The following ADNP2 variants were observed in gnomAD, a reference collection of about 807,000 sequenced individuals.
ADNP2 encodes ADNP homeobox 2, also known as activity-dependent neuroprotector homeobox protein 2.
Under a neutral mutation model 16.4 loss-of-function variants are expected in ADNP2, and 8 were observed. The observed-to-expected ratio is 0.49, with a 90% CI of 0.29 to 0.88. ADNP2 has a LOEUF of 0.88. ADNP2 is among the 40% of genes least tolerant of loss of function. ADNP2 has a pLI of 0.09. For missense variants in ADNP2, 1,397 were observed against 1,395.1 expected (o/e 1.00, Z -0.02); for synonymous variants, 637 against 545.8 (o/e 1.17, Z -2.33).
intron 1 of ADNP2, among the ~76,000 whole-genome samples, chr18:80,113,324 T>C (rs1050310218): frequency 6.6e-6 from 1 of 152,210 alleles, no homozygotes; most frequent in Non-Finnish European, 1.5e-5. Flanking sequence ...AAGAAATTTA[T>C]CCGCTTCAAA....
At position 80,136,380 on chromosome 18, in the gene ADNP2, C is replaced by T. The variant is rs973865505; in HGVS notation, c.967C>T (p.Pro323Ser). Residue 323 changes from proline (P) to serine (S), a missense_variant, in exon 4 of 4, where the codon CCC (proline) becomes TCC (serine). Pro to Ser is a moderately conservative substitution (Grantham distance 74). This residue lies in a region of ADNP2 where 777 missense variants were observed against 719.4 expected (regional missense o/e 1.08). Transcript: ENST00000262198. The stretch of plus-strand genomic sequence containing the variant: ...TGCCCCTGGAAGCCTCACTCATTCC[C>T]CCCCTGCTGCTGGCCAATCCCACAT... ...QGAPGSLTHS[P>S]PAAGQSHMTL... 1.3e-5 allele frequency: 21 copies of T among 1,614,104 alleles called. No individual in the cohort carries two copies. The highest frequency in any genetic ancestry group is 1.7e-5 in the Non-Finnish European group (20 of 1,180,046).
intron 2 of ADNP2, among the ~76,000 whole-genome samples, chr18:80,121,065 C>T (rs552687881): frequency 3.3e-5 from 5 of 152,340 alleles, no homozygotes; most frequent in Admixed American, 3.3e-4. Context: ...AAACTTTTCA[C>T]AGTGAAAGTG....
chr18:80,128,276 G>A (rs2052473438), intron 2 of ADNP2, among the ~76,000 whole-genome samples: 1 of 152,194 alleles, frequency 6.6e-6, no homozygotes, highest in African/African-American at 2.4e-5. Context: ...CTCTTTGTTG[G>A]AATCAGAATA....
At chr18:80,116,067 C>T (rs2052387355) in intron 1 of ADNP2, among the ~76,000 whole-genome samples, 2 of 152,168 alleles carry the variant, frequency 1.3e-5, no homozygotes, top group African/African-American at 4.8e-5. Context: ...ACTCGGCCCA[C>T]TGTTGTGCTT....
intron 2 of ADNP2, among the ~76,000 whole-genome samples, chr18:80,132,755 A>G (rs188458164): frequency 3.7e-4 from 48 of 128,776 alleles, no homozygotes; most frequent in Middle Eastern, 4.6e-3. Context: ...TTCTTTTTCG[A>G]TGGTGTCCTG....
intron 2 of ADNP2, among the ~76,000 whole-genome samples, chr18:80,120,334 CTT>C (rs71163859): frequency 1.3e-4 from 19 of 142,990 alleles, no homozygotes; most frequent in Non-Finnish European, 1.2e-4. Context: ...ATATTCTTTT[CTT>C]TTTTTTTTTT....
intron 1 of ADNP2, among the ~76,000 whole-genome samples, chr18:80,116,658 A>G (rs1191557210): frequency 6.6e-6 from 1 of 151,892 alleles, no homozygotes; most frequent in Non-Finnish European, 1.5e-5. Flanking sequence ...TTGTTTTAAG[A>G]TAGGGTCTCA....
At chr18:80,132,523 C>G (rs531572908) in intron 2 of ADNP2, among the ~76,000 whole-genome samples, 2 of 152,152 alleles carry the variant, frequency 1.3e-5, no homozygotes, top group Non-Finnish European at 2.9e-5. Flanking sequence ...TTTCATTTCT[C>G]TTTTCCCCTG....
rs780706667 is a variant in ADNP2, at chr18:80,137,794, T to C, written c.2381T>C (p.Leu794Pro). 8.7e-6 allele frequency: 14 copies of C among 1,614,090 alleles called. No homozygotes were observed. Among genetic ancestry groups the C allele is most frequent in the Non-Finnish European group, 1.1e-5 (13 of 1,180,038 alleles). The change falls in exon 4 of 4, where the codon CTG becomes CCG. Residue 794 changes from leucine to proline, a missense_variant. Coordinates refer to ENST00000262198, the MANE Select transcript of ADNP2 (RefSeq NM_014913.4). This position sits in a 1 kb window ranked among gnomAD's most constrained non-coding sequence, Gnocchi z 4.2. ...GLSEHSRNRH[L>P]GKKKLPMDYS... ...TCAGAGCACAGCAGGAATAGGCACC[T>C]GGGGAAGAAGAAGTTGCCTATGGAT...
At chr18:80,124,422 ATACT>A (rs908404201) in intron 2 of ADNP2, among the ~76,000 whole-genome samples, 2 of 152,174 alleles carry the variant, frequency 1.3e-5, no homozygotes, top group Non-Finnish European at 2.9e-5. Context: ...ACTCAAGGAA[ATACT>A]TACTTATATT....
At chr18:80,119,413 C>CAA (rs5826687) in intron 2 of ADNP2, among the ~76,000 whole-genome samples, 14 of 113,684 alleles carry the variant, frequency 1.2e-4, no homozygotes, top group South Asian at 3.0e-4. Context: ...GACTCCGTCT[C>CAA]AAAAAAAAAA....
At chr18:80,115,290 G>A (rs1401663632) in intron 1 of ADNP2, among the ~76,000 whole-genome samples, 2 of 152,040 alleles carry the variant, frequency 1.3e-5, no homozygotes, top group Non-Finnish European at 2.9e-5. Flanking sequence ...TTTATATTCC[G>A]GCACAGGATG....
chr18:80,130,026 A>G (rs1431028909), intron 2 of ADNP2, among the ~76,000 whole-genome samples: 1 of 152,180 alleles, frequency 6.6e-6, no homozygotes, highest in Non-Finnish European at 1.5e-5. Context: ...GTGAGTAGTT[A>G]GTTAACCTTT....
intron 1 of ADNP2, chr18:80,110,066 T>TC (rs1252744384): frequency 6.6e-6 from 1 of 152,144 alleles, no homozygotes; most frequent in Non-Finnish European, 1.5e-5. Flanking sequence ...GGTTTTTTTT[T>TC]CCCTAGAAAG....
chr18:80,136,266 G>A lies in ADNP2; in HGVS notation c.853G>A (p.Ala285Thr), dbSNP rs761522464. ...ACCAGCAAATGGCAGTGCTCCAAGC[G>A]CTCCAGCGCAGCCTCCTTGCTTCCA... ...AAPANGSAPS[A>T]PAQPPCFHLA... The change falls in exon 4 of 4, where the codon GCT (alanine) becomes ACT (threonine). Residue 285 changes from alanine (A) to threonine (T), a missense_variant. By Grantham distance (58) the Ala-to-Thr change is moderately conservative (BLOSUM62 0). This residue lies in a region of ADNP2 where 777 missense variants were observed against 719.4 expected (regional missense o/e 1.08). Coordinates refer to ENST00000262198, the MANE Select transcript of ADNP2 (RefSeq NM_014913.4). 62 of 1,613,748 alleles carry A rather than the reference G, an allele frequency of 3.8e-5. No homozygotes were observed. Among genetic ancestry groups the A allele is most frequent in the Non-Finnish European group, 4.7e-5 (56 of 1,179,742 alleles).
rs759170592 is a variant in ADNP2, at chr18:80,136,773, A to G, written c.1360A>G (p.Met454Val). Reference protein sequence around the residue: ...VPSGVLPAGQMTPAGQMTPAG... With the variant: ...VPSGVLPAGQVTPAGQMTPAG... ...GTCTGGAGTCCTTCCTGCAGGCCAG[A>G]TGACTCCTGCAGGCCAGATGACTCC... is the stretch of plus-strand genomic sequence containing the variant. The change falls in exon 4 of 4, where the codon ATG becomes GTG. Residue 454 changes from methionine to valine, a missense_variant. Coordinates refer to ENST00000262198, the MANE Select transcript of ADNP2 (RefSeq NM_014913.4). The G allele has an allele frequency of 6.3e-7, 1 of 1,597,624 alleles. No individual in the cohort carries two copies.
In ADNP2 at chr18:80,138,391, G is replaced by A. The variant is rs1377955375; in HGVS notation, c.2978G>A (p.Gly993Glu). 6 of 1,614,086 alleles carry A rather than the reference G, an allele frequency of 3.7e-6. No homozygotes were observed. The East Asian group carries it at 1.3e-4, about 36-fold the overall frequency. The change falls in exon 4 of 4, where the codon GGG becomes GAG. Residue 993 changes from glycine (G) to glutamate (E), a missense_variant. Gly to Glu is a moderately conservative substitution (Grantham distance 98). Around this residue, in one of 3 missense-constraint regions of ADNP2, gnomAD observed 611 missense variants for 648.7 expected, o/e 0.94. Coordinates refer to ENST00000262198, the MANE Select transcript of ADNP2 (RefSeq NM_014913.4). ...TTAGGGGCCGAAGACCAGCGGCATG[G>A]GGAGGAGCAGCCTCCCATCCTAAAT... is the stretch of plus-strand genomic sequence containing the variant. ...GHLGAEDQRH[G>E]EEQPPILNAD... is the part of the protein sequence containing the mutation.
At chr18:80,118,471 G>A (rs1372614221) in intron 2 of ADNP2, among the ~76,000 whole-genome samples, 1 of 152,022 alleles carries the variant, frequency 6.6e-6, no homozygotes, top group Non-Finnish European at 1.5e-5. Context: ...GTAGTCATTG[G>A]TAATGACATT....
At position 80,137,903 on chromosome 18, in the gene ADNP2, A is replaced by G. The variant is rs756990988; in HGVS notation, c.2490A>G (p.Pro830=). 2 of 1,613,922 alleles carry G rather than the reference A, an allele frequency of 1.2e-6. No individual in the cohort carries two copies. Among genetic ancestry groups the G allele is most frequent in the Admixed American group, 3.3e-5 (2 of 60,022 alleles). The change falls in exon 4 of 4, where the codon CCA becomes CCG. Residue 830 remains proline, a synonymous_variant. Transcript: ENST00000262198. The surrounding 1 kb of genome is among the most constrained non-coding windows in gnomAD (Gnocchi z 4.2). ...FPHLDFITIL[P]KEKLGEREVY... ...ACCTTGATTTCATCACCATATTGCC[A>G]AAGGAGAAGCTTGGGGAGCGGGAAG...
Sources: allele counts gnomAD v4.1 joint callset (sites outside exome capture counted in the v4.1 genomes callset), GRCh38; gene constraint gnomAD v4.1.1; regional missense constraint gnomAD v4.1.1; non-coding constraint Gnocchi (gnomAD v3.1); transcripts MANE v1.5; gene names NCBI Gene and HGNC (gene_info 2026-07-23, HGNC 2026-07-21).